Variants in PRKAG2 observed in about 807,000 individuals in gnomAD.
PRKAG2 encodes protein kinase AMP-activated non-catalytic subunit gamma 2, also known as 5'-AMP-activated protein kinase subunit gamma-2.
A neutral mutation model predicts 69.6 loss-of-function variants in PRKAG2; 26 were observed. The observed-to-expected ratio is 0.37, with a 90% CI of 0.27 to 0.52. The LOEUF (loss-of-function observed/expected upper bound fraction) is 0.52, where lower values mean the gene tolerates loss of function less well. PRKAG2 is among the 20% of genes least tolerant of loss of function. The pLI, the probability that PRKAG2 is intolerant of heterozygous loss-of-function variation, is 0.90. For missense variants in PRKAG2, 557 were observed against 740.0 expected, an observed-to-expected ratio of 0.75 and a Z score of 2.87; for synonymous variants, 293 against 285.0, an observed-to-expected ratio of 1.03 and a Z score of -0.28.
chr7:151,823,188 G>A (rs1171953528), intron 1 of PRKAG2, among the ~76,000 whole-genome samples: 1 of 152,088 alleles, frequency 6.6e-6, no homozygotes, highest in East Asian at 1.9e-4. Context: ...TGAAGCTCAG[G>A]AAGAACAGGA....
intron 5 of PRKAG2, among the ~76,000 whole-genome samples, chr7:151,605,882 G>A (rs1383251410): frequency 2.8e-5 from 4 of 145,284 alleles, no homozygotes; most frequent in African/African-American, 7.8e-5. Flanking sequence ...AGGTTGCAGT[G>A]AACTGAGATT....
intron 3 of PRKAG2, among the ~76,000 whole-genome samples, chr7:151,733,705 ATT>A (rs11330944): frequency 1.2e-3 from 177 of 142,990 alleles, no homozygotes; most frequent in African/African-American, 4.3e-3. Context: ...CACAGTCACC[ATT>A]TTTTTTTTTT....
intron 5 of PRKAG2, among the ~76,000 whole-genome samples, chr7:151,627,173 C>A (rs1371877540): frequency 6.6e-6 from 1 of 152,176 alleles, no homozygotes; most frequent in Non-Finnish European, 1.5e-5. Flanking sequence ...AGAGGCCTCA[C>A]GGGTTGTCCA....
At chr7:151,741,347 T>C (rs1486685532) in intron 3 of PRKAG2, among the ~76,000 whole-genome samples, 6 of 152,044 alleles carry the variant, frequency 3.9e-5, no homozygotes, top group Non-Finnish European at 8.8e-5. Context: ...TTTCAGCCAG[T>C]GTACTATTCT....
chr7:151,614,309 C>T lies in PRKAG2; in HGVS notation c.754+17760G>A, dbSNP rs73730220. Among the ~76,000 whole-genome samples, 1,899 of 152,104 alleles carry T rather than the reference C, an allele frequency of 0.012. 28 individuals carry two copies. The highest frequency in any genetic ancestry group is 0.043 in the African/African-American group (1,792 of 41,512). On this transcript the variant is annotated intron_variant, in intron 5 of 15. Coordinates refer to ENST00000287878, the MANE Select transcript of PRKAG2 (RefSeq NM_016203.4). The surrounding 1 kb of genome is among the most constrained non-coding windows in gnomAD (Gnocchi z 4.4). ...TGGGGCAGGGGCTGGCACCCCATGGCGATGGGGGAGCAGCAGCAGGGTGGC... is the reference window on the plus strand; with the variant it reads ...TGGGGCAGGGGCTGGCACCCCATGGTGATGGGGGAGCAGCAGCAGGGTGGC...
intron 5 of PRKAG2, among the ~76,000 whole-genome samples, chr7:151,619,148 T>A (rs1820875981): frequency 6.6e-6 from 1 of 152,212 alleles, no homozygotes; most frequent in Non-Finnish European, 1.5e-5. Context: ...CTGTCAGAAT[T>A]TTAAAATGGT....
chr7:151,618,379 G>A (rs1452509404), intron 5 of PRKAG2, among the ~76,000 whole-genome samples: 3 of 151,914 alleles, frequency 2.0e-5, no homozygotes, highest in African/African-American at 7.3e-5. Flanking sequence ...CTTGAACCGA[G>A]GAGGCGGAGG....
rs555906306 is a variant in PRKAG2 at position 151,715,707 on chromosome 7, G to A, written c.467-40070C>T. Among the ~76,000 whole-genome samples, 3 of 152,234 alleles carry A rather than the reference G, an allele frequency of 2.0e-5. No homozygotes were observed. The East Asian group carries it at 5.8e-4, about 29-fold the overall frequency. ...TTTGAGTTGTGATCTAGAAAGGGAGGATGGAGTGGAAGAAGAGAAAGATAG... is the reference window on the plus strand; with the variant it reads ...TTTGAGTTGTGATCTAGAAAGGGAGAATGGAGTGGAAGAAGAGAAAGATAG... On this transcript the variant is annotated intron_variant, in intron 3 of 15. Coordinates refer to ENST00000287878, the MANE Select transcript of PRKAG2 (RefSeq NM_016203.4).
intron 4 of PRKAG2, chr7:151,633,079 C>T (rs1039699355): frequency 6.6e-6 from 1 of 152,198 alleles, no homozygotes; most frequent in African/African-American, 2.4e-5. Flanking sequence ...ACGGGCGCCG[C>T]GAATGCGATT....
At chr7:151,627,276 C>A (rs561641560) in intron 5 of PRKAG2, among the ~76,000 whole-genome samples, 3 of 152,164 alleles carry the variant, frequency 2.0e-5, no homozygotes, top group African/African-American at 7.2e-5. Context: ...CGAAAAGTGG[C>A]CCCTACTTTT....
At chr7:151,613,679 G>A (rs1054528560) in intron 5 of PRKAG2, among the ~76,000 whole-genome samples, 5 of 151,506 alleles carry the variant, frequency 3.3e-5, no homozygotes, top group African/African-American at 1.2e-4. Flanking sequence ...TGTATTTTTA[G>A]TAGTGATGGG....
chr7:151,733,388 T>C (rs1799267384), intron 3 of PRKAG2, among the ~76,000 whole-genome samples: 1 of 152,158 alleles, frequency 6.6e-6, no homozygotes, highest in South Asian at 2.1e-4. Context: ...TTACAAAACT[T>C]GGTTGAGATG....
intron 1 of PRKAG2, among the ~76,000 whole-genome samples, chr7:151,867,331 G>T (rs1293066855): frequency 6.6e-6 from 1 of 152,216 alleles, no homozygotes; most frequent in Non-Finnish European, 1.5e-5. Context: ...TGCTCTAGAG[G>T]CCAGAGGTCT....
chr7:151,575,491 G>A (rs372646433), intron 7 of PRKAG2, among the ~76,000 whole-genome samples: 2 of 152,158 alleles, frequency 1.3e-5, no homozygotes, highest in Non-Finnish European at 2.9e-5. Flanking sequence ...TCAAAATAAC[G>A]TGAAGAATAC....
intron 3 of PRKAG2, among the ~76,000 whole-genome samples, chr7:151,692,414 GAA>G (rs950211994): frequency 6.6e-6 from 1 of 151,886 alleles, no homozygotes; most frequent in Non-Finnish European, 1.5e-5. Context: ...ATAGCGGACA[GAA>G]AAAAAAGTCA....
At chr7:151,721,265 CTGCATCTCGAAAA>C (rs1373184450) in intron 3 of PRKAG2, among the ~76,000 whole-genome samples, 1 of 152,146 alleles carries the variant, frequency 6.6e-6, no homozygotes, top group Non-Finnish European at 1.5e-5. Context: ...TGTCCCCTCT[CTGCATCTCGAAAA>C]TGCCCCTTCC....
intron 3 of PRKAG2, among the ~76,000 whole-genome samples, chr7:151,774,813 CAAAAAAG>C (rs1030973615): frequency 6.6e-6 from 1 of 151,804 alleles, no homozygotes; most frequent in African/African-American, 2.4e-5. Context: ...TTCAAAAAAA[CAAAAAAG>C]AAAAAGAAAG....
chr7:151,749,013 G>A (rs1009528121), intron 3 of PRKAG2, among the ~76,000 whole-genome samples: 3 of 152,352 alleles, frequency 2.0e-5, no homozygotes, highest in Admixed American at 6.5e-5. Context: ...TGGAGCCTCC[G>A]AGGGTGAGGA....
chr7:151,737,613 C>T (rs1248829042), intron 3 of PRKAG2, among the ~76,000 whole-genome samples: 2 of 152,228 alleles, frequency 1.3e-5, no homozygotes, highest in African/African-American at 4.8e-5. Context: ...GGGGTGGAAG[C>T]GCCCCAGCAG....
Sources: allele counts gnomAD v4.1 joint callset (sites outside exome capture counted in the v4.1 genomes callset), GRCh38; gene constraint gnomAD v4.1.1; non-coding constraint Gnocchi (gnomAD v3.1); transcripts MANE v1.5; gene names NCBI Gene and HGNC (gene_info 2026-07-23, HGNC 2026-07-21).